PAK3: variants seen among roughly 807,000 people sequenced by gnomAD.
The protein encoded by PAK3 is serine/threonine-protein kinase PAK 3.
A neutral mutation model predicts 41.0 loss-of-function variants in PAK3; 4 were observed. The observed-to-expected ratio is 0.10, with a 90% CI of 0.05 to 0.22. PAK3 has a LOEUF of 0.22. PAK3 is among the 10% of genes least tolerant of loss of function. The pLI is 1.00. For missense variants in PAK3, 205 were observed against 409.9 expected (o/e 0.50, Z 4.32); for synonymous variants, 146 against 139.6 (o/e 1.05, Z -0.32).
At chrX:111,197,952 C>T (rs946555000) in intron 16 of PAK3, among the ~76,000 whole-genome samples, 4 of 112,369 alleles carry the variant, frequency 3.6e-5, no homozygotes, top group Non-Finnish European at 5.6e-5. Flanking sequence ...GCCTTGGCCT[C>T]CCAAAGTGCT....
chrX:110,945,482 C>T lies in PAK3; in HGVS notation c.-28+854C>T, dbSNP rs148018789. 4.1e-3 allele frequency among the ~76,000 whole-genome samples: 455 copies of T among 111,833 alleles called. 4 individuals are homozygous for T. The highest frequency in any genetic ancestry group is 0.014 in the African/African-American group (445 of 30,750). Reference sequence around the variant, plus strand: ...AGGTTGACCAAGCCCTACCAGATAGCGTTATTGTTCTCCCAAAGATGCCCA... The same window carrying T: ...AGGTTGACCAAGCCCTACCAGATAGTGTTATTGTTCTCCCAAAGATGCCCA... On this transcript the variant is annotated intron_variant, in intron 1 of 14. Coordinates refer to the PAK3 transcript ENST00000425146.
chrX:111,059,676 A>T lies in PAK3; in HGVS notation c.-27-63401A>T, dbSNP rs145695633. On this transcript the variant is annotated intron_variant, in intron 1 of 14. Transcript: ENST00000425146. The stretch of plus-strand genomic sequence containing the variant: ...CACTCCTTTGCTTAAAGTTATTCCC[A>T]TGTATTTTATAATTTTTGATACCAT... Among the ~76,000 whole-genome samples the T allele has an allele frequency of 6.6e-3, 738 of 111,370 alleles. 14 individuals are homozygous for T. The highest frequency in any genetic ancestry group is 0.023 in the African/African-American group (708 of 30,647).
In PAK3 at chrX:111,102,723, G is replaced by T. The variant is rs754070547; in HGVS notation, c.-175-436G>T. The stretch of plus-strand genomic sequence containing the variant: ...ATTATACACATTGCTCCATAATTAT[G>T]CAGACTATGTAAATATTTCACATCT... On this transcript the variant is annotated intron_variant, in intron 3 of 17. Coordinates refer to ENST00000372007, the MANE Select transcript of PAK3 (RefSeq NM_002578.5). Among the ~76,000 whole-genome samples, 3 of 112,205 alleles carry T rather than the reference G, an allele frequency of 2.7e-5. No homozygotes were observed. In the South Asian group the frequency reaches 1.1e-3, roughly 42 times the overall value.
chrX:111,135,388 A>G (rs756621285), intron 5 of PAK3, among the ~76,000 whole-genome samples: 16 of 111,237 alleles, frequency 1.4e-4, no homozygotes, highest in Non-Finnish European at 2.6e-4. Flanking sequence ...GAGGCACCTA[A>G]ATAGAGGTGT....
At chrX:111,015,106 G>A (rs1767815737) in intron 1 of PAK3, among the ~76,000 whole-genome samples, 1 of 110,664 alleles carries the variant, frequency 9.0e-6, no homozygotes. Flanking sequence ...CTGGTAAGTA[G>A]TATAACTAGC....
chrX:111,030,567 G>A (rs1431470321), intron 1 of PAK3, among the ~76,000 whole-genome samples: 1 of 111,650 alleles, frequency 9.0e-6, no homozygotes. Flanking sequence ...AAATAGATGG[G>A]TGGGTGGATG....
At chrX:111,082,125 T>A (rs2092839702) in intron 1 of PAK3, among the ~76,000 whole-genome samples, 1 of 112,025 alleles carries the variant, frequency 8.9e-6, no homozygotes, top group Non-Finnish European at 1.9e-5. Context: ...GCTGTCGTGG[T>A]CCCCTCTGGA....
intron 1 of PAK3, among the ~76,000 whole-genome samples, chrX:111,035,910 A>G (rs927020926): frequency 5.3e-5 from 6 of 112,478 alleles, no homozygotes; most frequent in African/African-American, 1.9e-4. Context: ...ACTAGCCCCA[A>G]TTTACAGGTC....
rs147955285 is a variant in PAK3 at position 111,157,043 on chromosome X, G to A, written c.468+4596G>A. 5.8e-3 allele frequency among the ~76,000 whole-genome samples: 645 copies of A among 111,732 alleles called. 7 individuals are homozygous for A. The highest frequency in any genetic ancestry group is 0.02 in the African/African-American group (611 of 30,791). On this transcript the variant is annotated intron_variant, in intron 8 of 17. Coordinates refer to ENST00000372007, the MANE Select transcript of PAK3 (RefSeq NM_002578.5). Reference sequence around the variant, plus strand: ...CAACTGGATGTGCAGTTGACAGATTGCTCTTTTGTGATTTGCAGTACTGGT... The same window carrying A: ...CAACTGGATGTGCAGTTGACAGATTACTCTTTTGTGATTTGCAGTACTGGT...
intron 1 of PAK3, among the ~76,000 whole-genome samples, chrX:111,022,975 T>A (rs2092211590): frequency 1.8e-5 from 2 of 110,664 alleles, no homozygotes; most frequent in African/African-American, 6.6e-5. Flanking sequence ...ATGTGCTGTG[T>A]TGGTTTACTG....
chrX:110,977,076 G>A (rs1351964201), intron 1 of PAK3, among the ~76,000 whole-genome samples: 1 of 110,595 alleles, frequency 9.0e-6, no homozygotes, highest in African/African-American at 3.3e-5. Context: ...CCTGCACGCT[G>A]TGCACATGTA....
At chrX:111,182,803 A>G (rs2094474210) in intron 11 of PAK3, among the ~76,000 whole-genome samples, 1 of 111,583 alleles carries the variant, frequency 9.0e-6, no homozygotes, top group Non-Finnish European at 1.9e-5. Context: ...CAAAAGATAA[A>G]GTCTATTTCT....
At chrX:111,139,092 G>T (rs1258711136) in intron 5 of PAK3, among the ~76,000 whole-genome samples, 1 of 111,845 alleles carries the variant, frequency 8.9e-6, no homozygotes, top group African/African-American at 3.3e-5. Context: ...TAAGTGAGAA[G>T]TGATGAAGCC....
At chrX:110,973,291 A>G (rs1434152181) in intron 1 of PAK3, among the ~76,000 whole-genome samples, 1 of 111,961 alleles carries the variant, frequency 8.9e-6, no homozygotes, top group East Asian at 2.8e-4. Context: ...AATGAAGGAA[A>G]AAGTGTTAAG....
At chrX:110,993,337 G>T (rs1391710106) in intron 1 of PAK3, among the ~76,000 whole-genome samples, 1 of 111,207 alleles carries the variant, frequency 9.0e-6, no homozygotes, top group East Asian at 2.8e-4. Context: ...AATTTGAATT[G>T]ATGATTTTTT....
chrX:111,180,314 T>C (rs1457815976), intron 11 of PAK3, among the ~76,000 whole-genome samples: 1 of 111,528 alleles, frequency 9.0e-6, no homozygotes, highest in Non-Finnish European at 1.9e-5. Flanking sequence ...GGTCTTTTAA[T>C]AGCTTGTTTA....
chrX:111,146,487 CTT>C (rs1291328910), intron 6 of PAK3: 13 of 997,711 alleles, frequency 1.3e-5, no homozygotes, highest in African/African-American at 1.9e-5. Context: ...TCTGTTTTAA[CTT>C]TCTTTTCTTT....
chrX:111,100,828 G>A lies in PAK3; in HGVS notation c.-175-2331G>A, dbSNP rs1342552013. 1.6e-4 allele frequency among the ~76,000 whole-genome samples: 18 copies of A among 111,076 alleles called. No individual in the cohort carries two copies. In the Admixed American group the frequency reaches 1.7e-3, roughly 11 times the overall value. ...CTGGGGGTGGAGTTGGGTTAGTGAT[G>A]GGTATTGGGTATGTACAAGATGTGT... On this transcript the variant is annotated intron_variant, in intron 3 of 17. Coordinates refer to ENST00000372007, the MANE Select transcript of PAK3 (RefSeq NM_002578.5).
At position 111,224,599 on chromosome X, in the gene PAK3, C is replaced by A. The variant is rs1043777182; in HGVS notation, c.*4152C>A. 8.9e-6 allele frequency: 1 copy of A among 112,609 alleles called. No homozygotes were observed. Among genetic ancestry groups the A allele is most frequent in the South Asian group, 3.7e-4 (1 of 2,703 alleles). 9.3% of individuals were successfully genotyped at this position (112,609 alleles called of 1,213,427 possible). A position where few individuals can be genotyped will look rare whatever the true frequency, so the allele number is the denominator to read the frequency against. On this transcript the variant is annotated 3_prime_UTR_variant, in exon 18 of 18. Coordinates refer to ENST00000372007, the MANE Select transcript of PAK3 (RefSeq NM_002578.5). ...ATGTAGGACTGTCTCTGCCTGTTGG[C>A]ATTCAGTTATAGTTCTGTTAATTTT... is the stretch of plus-strand genomic sequence containing the variant.
Sources: gnomAD v4.1 joint callset for allele counts (sites outside exome capture counted in the v4.1 genomes callset) on GRCh38, gnomAD v4.1.1 for gene constraint, MANE v1.5 for transcripts, NCBI Gene and HGNC (gene_info 2026-07-23, HGNC 2026-07-21) for gene names.